The following EPGN variants were observed in gnomAD, a reference collection of about 807,000 sequenced individuals.
The protein encoded by EPGN is epithelial mitogen.
EPGN carries 21 observed loss-of-function variants against 20.7 expected under a neutral mutation model. The ratio of observed to expected loss-of-function variants is 1.01; its 90% CI spans 0.72 to 1.46. The LOEUF (loss-of-function observed/expected upper bound fraction) is 1.46. Among genes scored for constraint, EPGN ranks in the 40% most tolerant of loss-of-function variants. The pLI, the probability that EPGN is intolerant of heterozygous loss-of-function variation, is 0.00. For synonymous variants in EPGN, 69 were observed against 63.8 expected, an observed-to-expected ratio of 1.08 and a Z score of -0.39; for missense variants, 199 against 180.7, an observed-to-expected ratio of 1.10 and a Z score of -0.58.
At chr4:74,311,618 C>A (rs1750960666) in intron 2 of EPGN, among the ~76,000 whole-genome samples, 1 of 151,992 alleles carries the variant, frequency 6.6e-6, no homozygotes, top group African/African-American at 2.4e-5. Context: ...AAGTATGCCC[C>A]AAAGGACTCA....
chr4:74,314,895 G>T lies in EPGN; in HGVS notation c.*258G>T, dbSNP rs998528210. 2 of 501,510 alleles carry T rather than the reference G, an allele frequency of 4.0e-6. No individual in the cohort carries two copies. 31.1% of individuals were successfully genotyped at this position (501,510 alleles called of 1,614,324 possible). On this transcript the variant is annotated 3_prime_UTR_variant, in exon 5 of 5. Transcript: ENST00000413830. The stretch of plus-strand genomic sequence containing the variant: ...GTTTCACTCTGGGTTTTTTGTTGTT[G>T]TGTGGTTATTATTCTCACTACAGAA...
chr4:74,312,676 A>G (rs1033094677), intron 3 of EPGN, among the ~76,000 whole-genome samples: 1 of 152,190 alleles, frequency 6.6e-6, no homozygotes, highest in African/African-American at 2.4e-5. Context: ...AGGCAAAAAC[A>G]TTACAGGAAT....
intron 2 of EPGN, 37 bp from the exon 3 acceptor site, chr4:74,312,148 A>G: frequency 1.9e-6 from 3 of 1,563,496 alleles, no homozygotes; most frequent in Non-Finnish European, 2.6e-6. Flanking sequence ...AAAGTAAGAC[A>G]CATTTCATTT....
In EPGN at chr4:74,316,520, G is replaced by A. The variant is rs1318543759; in HGVS notation, c.*1883G>A. On this transcript the variant is annotated 3_prime_UTR_variant, in exon 5 of 5. Transcript: ENST00000413830. The stretch of plus-strand genomic sequence containing the variant: ...CCTTTGAGTAGAAGGTATTTAACTT[G>A]TTTTGTTTTTCCTTCAGAAGGAATT... Among the ~76,000 whole-genome samples, 2 of 152,174 alleles carry A rather than the reference G, an allele frequency of 1.3e-5. No individual in the cohort carries two copies. The highest frequency in any genetic ancestry group is 1.3e-4 in the Admixed American group (2 of 15,272).
At chr4:74,314,476 G>A (rs977636814) in intron 4 of EPGN, 104 bp from the exon 5 acceptor site, 15 of 1,111,488 alleles carry the variant, frequency 1.3e-5, no homozygotes. Flanking sequence ...AAGGGGATCT[G>A]GGTGGGACAC....
intron 4 of EPGN, among the ~76,000 whole-genome samples, chr4:74,313,777 T>A (rs1751121199): frequency 6.6e-6 from 1 of 152,174 alleles, no homozygotes; most frequent in Non-Finnish European, 1.5e-5. Context: ...GTAACTAGGA[T>A]AAAGTCAAGA....
intron 4 of EPGN, among the ~76,000 whole-genome samples, chr4:74,313,824 A>G (rs1391033192): frequency 6.6e-6 from 1 of 152,176 alleles, no homozygotes; most frequent in African/African-American, 2.4e-5. Context: ...ATATAAATAC[A>G]TTATTTCCCT....
rs767396373 is a variant in EPGN, at chr4:74,312,195, A to G, written c.144A>G (p.Ile48Met). ...WTVNKTEADN[I>M]EGPIALKFSH... ...ATCTCCTTTTCCTAGCTGACAACAT[A>G]GAAGGACCCATAGCCTTGAAGTTCT... Residue 48 changes from isoleucine to methionine, a missense_variant, in exon 3 of 5, where the codon ATA becomes ATG. Physicochemically the swap from Ile to Met is conservative, Grantham distance 10. Coordinates refer to ENST00000413830, the MANE Select transcript of EPGN (RefSeq NM_001270989.2). The G allele has an allele frequency of 1.2e-6, 2 of 1,605,860 alleles. No homozygotes were observed. Among genetic ancestry groups the G allele is most frequent in the South Asian group, 2.2e-5 (2 of 89,058 alleles).
At chr4:74,309,332 T>C in intron 2 of EPGN, 150 bp downstream of exon 2, 1 of 592,896 alleles carries the variant, frequency 1.7e-6, no homozygotes, top group Non-Finnish European at 2.8e-6. Context: ...TAAATTGAAG[T>C]GACAGATAAA....
rs1219092971 is a variant in EPGN at position 74,314,445 on chromosome 4, GGA to G, written c.408-134_408-133del. The G allele has an allele frequency of 1.7e-5, 14 of 811,344 alleles. No individual in the cohort carries two copies. The African/African-American group carries it at 2.2e-4, about 13-fold the overall frequency. The allele number at this position is 811,344 out of a possible 1,614,324, so 50.3% of individuals were successfully genotyped here. On this transcript the variant is annotated intron_variant, in intron 4 of 4. Coordinates refer to ENST00000413830, the MANE Select transcript of EPGN (RefSeq NM_001270989.2). ...CCTGTTAATGCCCACAGCTGCTGAG[GGA>G]TGGGTTGACCAATGGGTAAAGGGGA...
intron 4 of EPGN, 163 bp from the exon 5 acceptor site, chr4:74,314,417 G>C (rs1363919262): frequency 2.4e-5 from 16 of 662,980 alleles, no homozygotes; most frequent in Non-Finnish European, 4.1e-5. Flanking sequence ...CTGCTGCCAT[G>C]AGCCTGTTAA....
intron 2 of EPGN, among the ~76,000 whole-genome samples, chr4:74,310,456 C>T (rs1261796121): frequency 1.6e-4 from 16 of 99,430 alleles, no homozygotes; most frequent in South Asian, 3.3e-4. Flanking sequence ...AGTGAGAGTC[C>T]GTCTCAAAAA....
At chr4:74,312,566 C>T (rs528959170) in intron 3 of EPGN, among the ~76,000 whole-genome samples, 55 of 152,252 alleles carry the variant, frequency 3.6e-4, no homozygotes, top group Non-Finnish European at 7.6e-4. Flanking sequence ...AGGATCTATG[C>T]TCTACCCCAG....
intron 1 of EPGN, 73 bp downstream of exon 1, chr4:74,308,649 TAGAG>T: frequency 7.6e-7 from 1 of 1,313,466 alleles, no homozygotes. Context: ...TTCTCTGCAT[TAGAG>T]AGAAGTTGGC....
rs144414912 is a variant in EPGN at position 74,309,274 on chromosome 4, A to G, written c.133+92A>G. 1,423 of 882,978 alleles carry G rather than the reference A, an allele frequency of 1.6e-3. 15 individuals are homozygous for G. In the African/African-American group the frequency reaches 0.021, roughly 13 times the overall value. The allele number at this position is 882,978 out of a possible 1,614,324, so 54.7% of individuals were successfully genotyped here. On this transcript the variant is annotated intron_variant, in intron 2 of 4. Coordinates refer to ENST00000413830, the MANE Select transcript of EPGN (RefSeq NM_001270989.2). ...GATAAAAGCAATATTGGCCATTTTT[A>G]ATATATATTTTATTATTAGATAATC...
rs111248354 is a variant in EPGN, at chr4:74,312,503, C to T, written c.254+198C>T. On this transcript the variant is annotated intron_variant, in intron 3 of 4. Coordinates refer to ENST00000413830, the MANE Select transcript of EPGN (RefSeq NM_001270989.2). ...CTATTTAATTCTCATTAATTAAAAA[C>T]ATGGTTCCCAGATTAGCAGCATCTC... Among the ~76,000 whole-genome samples, 14 of 152,222 alleles carry T rather than the reference C, an allele frequency of 9.2e-5. 2 individuals are homozygous for T. Among genetic ancestry groups the T allele is most frequent in the African/African-American group, 3.4e-4 (14 of 41,544 alleles).
intron 2 of EPGN, among the ~76,000 whole-genome samples, chr4:74,309,664 T>G (rs1478909411): frequency 1.3e-5 from 2 of 152,226 alleles, no homozygotes; most frequent in East Asian, 3.8e-4. Flanking sequence ...TAGCATATGC[T>G]GTATTTCCTA....
intron 3 of EPGN, 47 bp downstream of exon 3, chr4:74,312,352 A>G (rs201296634): frequency 2.6e-4 from 417 of 1,575,824 alleles, no homozygotes; most frequent in Non-Finnish European, 3.2e-4. Flanking sequence ...AGATGAGTTT[A>G]TGTCTCTGTT....
At chr4:74,313,995 G>GGGA (rs1379379115) in intron 4 of EPGN, 2 of 378,718 alleles carry the variant, frequency 5.3e-6, no homozygotes, top group Non-Finnish European at 1.0e-5. Context: ...AATAATAAGG[G>GGGA]GGAGGAGGAG....
Sources: allele counts gnomAD v4.1 joint callset (sites outside exome capture counted in the v4.1 genomes callset), GRCh38; gene constraint gnomAD v4.1.1; transcripts MANE v1.5; gene names NCBI Gene and HGNC (gene_info 2026-07-23, HGNC 2026-07-21).